Variants in COX7B2 observed in about 807,000 individuals in gnomAD.
COX7B2 encodes the protein cytochrome c oxidase subunit 7B2, mitochondrial.
For synonymous variants in COX7B2, 37 were observed against 32.1 expected (o/e 1.15, Z -0.51); for missense variants, 109 against 95.9 (o/e 1.14, Z -0.57).
At chr4:46,815,379 C>G (rs1175739020) in intron 2 of COX7B2, among the ~76,000 whole-genome samples, 2 of 152,100 alleles carry the variant, frequency 1.3e-5, no homozygotes, top group African/African-American at 2.4e-5. Flanking sequence ...GAACTCATGA[C>G]AGTCACATTT....
chr4:46,766,544 A>T (rs11941414), intron 2 of COX7B2, among the ~76,000 whole-genome samples: 1 of 150,328 alleles, frequency 6.7e-6, no homozygotes, highest in African/African-American at 2.4e-5. Context: ...TACTAAAAAT[A>T]AAAAAAAATT....
intron 2 of COX7B2, among the ~76,000 whole-genome samples, chr4:46,838,097 T>C (rs1186959539): frequency 6.6e-6 from 1 of 151,952 alleles, no homozygotes; most frequent in African/African-American, 2.4e-5. Flanking sequence ...ACAAGCAAAA[T>C]AGTTTCAAAA....
intron 1 of COX7B2, among the ~76,000 whole-genome samples, chr4:46,889,335 A>G (rs1165743345): frequency 1.3e-5 from 2 of 152,212 alleles, no homozygotes; most frequent in African/African-American, 2.4e-5. Context: ...CCCTGGATGT[A>G]GGAACTGTCA....
intron 2 of COX7B2, among the ~76,000 whole-genome samples, chr4:46,839,861 ATGGT>A (rs1459601155): frequency 6.6e-6 from 1 of 152,034 alleles, no homozygotes; most frequent in Non-Finnish European, 1.5e-5. Context: ...GTCTTAATAT[ATGGT>A]TGTTGAATTA....
At chr4:46,765,360 G>A (rs551476008) in intron 2 of COX7B2, among the ~76,000 whole-genome samples, 63 of 152,118 alleles carry the variant, frequency 4.1e-4, no homozygotes, top group Non-Finnish European at 3.1e-4. Flanking sequence ...GTTTTGCCAT[G>A]GACGCTAGCA....
intron 2 of COX7B2, among the ~76,000 whole-genome samples, chr4:46,821,771 G>A (rs1220076346): frequency 1.3e-5 from 2 of 152,188 alleles, no homozygotes; most frequent in Non-Finnish European, 2.9e-5. Flanking sequence ...ATGTTATGGA[G>A]TCTCTGCTGA....
At chr4:46,821,097 G>A (rs140909319) in intron 2 of COX7B2, among the ~76,000 whole-genome samples, 4 of 152,122 alleles carry the variant, frequency 2.6e-5, no homozygotes, top group African/African-American at 9.6e-5. Context: ...TTCGTATCTG[G>A]TTGTTTTAGT....
chr4:46,874,932 C>T (rs17538033), intron 1 of COX7B2, among the ~76,000 whole-genome samples: 3,302 of 152,212 alleles, frequency 0.022, 55 homozygotes, highest in Non-Finnish European at 0.034. Context: ...TGTTACTAGG[C>T]TGGTCTCTGA....
intron 2 of COX7B2, among the ~76,000 whole-genome samples, chr4:46,744,737 A>AT (rs1199711862): frequency 3.0e-5 from 4 of 135,250 alleles, no homozygotes; most frequent in African/African-American, 1.0e-4. Context: ...AAGATATTTT[A>AT]ATTTTTTTTT....
chr4:46,844,255 G>A (rs1409791880), intron 2 of COX7B2, among the ~76,000 whole-genome samples: 1 of 151,828 alleles, frequency 6.6e-6, no homozygotes, highest in Non-Finnish European at 1.5e-5. Flanking sequence ...CTTAATAAAT[G>A]TCATATTATT....
At chr4:46,854,598 C>T (rs1234135003) in intron 1 of COX7B2, among the ~76,000 whole-genome samples, 1 of 152,094 alleles carries the variant, frequency 6.6e-6, no homozygotes, top group African/African-American at 2.4e-5. Context: ...TGCCTTAACA[C>T]ACAGTAGACA....
intron 2 of COX7B2, among the ~76,000 whole-genome samples, chr4:46,809,072 T>C (rs1719152418): frequency 6.6e-6 from 1 of 151,914 alleles, no homozygotes; most frequent in Non-Finnish European, 1.5e-5. Context: ...AGGAATTTTT[T>C]CATTTCACCT....
chr4:46,848,811 G>A (rs151293280), intron 1 of COX7B2, among the ~76,000 whole-genome samples: 6 of 151,952 alleles, frequency 3.9e-5, no homozygotes, highest in African/African-American at 1.4e-4. Flanking sequence ...ATGCTCAATC[G>A]TCCCTTGGAT....
chr4:46,902,806 G>A (rs1577718311), intron 1 of COX7B2, among the ~76,000 whole-genome samples: 1 of 152,142 alleles, frequency 6.6e-6, no homozygotes, highest in East Asian at 1.9e-4. Context: ...GAACCTGGGA[G>A]GCAGAGGTTG....
At chr4:46,782,799 C>A (rs1717552291) in intron 2 of COX7B2, among the ~76,000 whole-genome samples, 1 of 152,158 alleles carries the variant, frequency 6.6e-6, no homozygotes, top group East Asian at 1.9e-4. Context: ...CGAAGGTCTG[C>A]AGCTTCACTA....
intron 2 of COX7B2, among the ~76,000 whole-genome samples, chr4:46,803,984 T>TGG (rs1025818699): frequency 3.3e-5 from 5 of 152,164 alleles, no homozygotes; most frequent in African/African-American, 1.2e-4. Context: ...CTTGCAGTGT[T>TGG]ACAGTTCTCA....
intron 1 of COX7B2, among the ~76,000 whole-genome samples, chr4:46,855,631 A>G (rs550911567): frequency 1.3e-5 from 2 of 152,128 alleles, no homozygotes; most frequent in East Asian, 3.9e-4. Context: ...GACAAAAAAA[A>G]CTAAAAAAAA....
At chr4:46,860,555 C>A (rs1577667718) in intron 1 of COX7B2, among the ~76,000 whole-genome samples, 1 of 152,158 alleles carries the variant, frequency 6.6e-6, no homozygotes, top group Non-Finnish European at 1.5e-5. Flanking sequence ...TCTGCCCCTT[C>A]TTTGACATCT....
chr4:46,900,247 G>GT (rs1720001463), intron 1 of COX7B2, among the ~76,000 whole-genome samples: 1 of 152,218 alleles, frequency 6.6e-6, no homozygotes, highest in Non-Finnish European at 1.5e-5. Flanking sequence ...CTCTAGGTCT[G>GT]TGACACAAAG....
Sources: gnomAD v4.1 joint callset for allele counts (sites outside exome capture counted in the v4.1 genomes callset) on GRCh38, gnomAD v4.1.1 for gene constraint, MANE v1.5 for transcripts, NCBI Gene and HGNC (gene_info 2026-07-23, HGNC 2026-07-21) for gene names.